The following RAB27A variants were observed in gnomAD, a reference collection of about 807,000 sequenced individuals.
RAB27A encodes the protein ras-related protein Rab-27A.
A neutral mutation model predicts 20.8 loss-of-function variants in RAB27A; 17 were observed. That is an observed-to-expected ratio of 0.82 (90% confidence interval 0.56 to 1.23). The LOEUF is 1.23. RAB27A is among the 50% of genes most tolerant of loss of function. The pLI is 0.00. For missense variants in RAB27A, 277 were observed against 266.7 expected, an observed-to-expected ratio of 1.04 and a Z score of -0.27; for synonymous variants, 85 against 92.8, an observed-to-expected ratio of 0.92 and a Z score of 0.48.
chr15:55,236,171 A>G (rs562333021), intron 2 of RAB27A, among the ~76,000 whole-genome samples: 180 of 142,722 alleles, frequency 1.3e-3, no homozygotes, highest in South Asian at 2.5e-3. Context: ...AAATAAAAAA[A>G]AAAGAAAGAA....
At chr15:55,301,575 T>G (rs1595755150) in intron 2 of RAB27A, among the ~76,000 whole-genome samples, 1 of 151,874 alleles carries the variant, frequency 6.6e-6, no homozygotes, top group South Asian at 2.1e-4. Flanking sequence ...TGGTGGTTTT[T>G]AATATATTCA....
intron 6 of RAB27A, among the ~76,000 whole-genome samples, chr15:55,217,504 A>AT (rs1176767453): frequency 1.3e-5 from 2 of 151,592 alleles, no homozygotes; most frequent in Admixed American, 6.6e-5. Context: ...TACTAAAAAA[A>AT]ATATATAAAA....
intron 2 of RAB27A, among the ~76,000 whole-genome samples, chr15:55,300,270 A>G (rs1199532611): frequency 6.6e-6 from 1 of 152,184 alleles, no homozygotes; most frequent in African/African-American, 2.4e-5. Flanking sequence ...GTGTGTATAT[A>G]TAAGTATACA....
chr15:55,306,746 T>A (rs2054998528), intron 2 of RAB27A, among the ~76,000 whole-genome samples: 1 of 152,168 alleles, frequency 6.6e-6, no homozygotes, highest in South Asian at 2.1e-4. Context: ...GGCATCAATA[T>A]GTCTGGGACG....
intron 1 of RAB27A, among the ~76,000 whole-genome samples, chr15:55,287,460 G>A (rs1898186436): frequency 1.3e-5 from 2 of 152,174 alleles, no homozygotes; most frequent in South Asian, 4.1e-4. Flanking sequence ...TAAATTTCAT[G>A]TGGAAGGCCA....
intron 1 of RAB27A, among the ~76,000 whole-genome samples, chr15:55,283,545 C>T (rs1048161744): frequency 6.6e-6 from 1 of 152,120 alleles, no homozygotes; most frequent in African/African-American, 2.4e-5. Flanking sequence ...ATGAGAAAAG[C>T]CACATTAGGT....
intron 2 of RAB27A, among the ~76,000 whole-genome samples, chr15:55,298,359 G>T (rs910638668): frequency 6.6e-6 from 1 of 152,102 alleles, no homozygotes; most frequent in East Asian, 1.9e-4. Context: ...GGGCGACCGG[G>T]GGAGACATCA....
intron 2 of RAB27A, among the ~76,000 whole-genome samples, chr15:55,248,234 C>T (rs926907299): frequency 4.6e-5 from 7 of 152,120 alleles, no homozygotes; most frequent in African/African-American, 1.2e-4. Flanking sequence ...GTCAAACATC[C>T]ACCCTACCAC....
At chr15:55,314,226 T>C (rs947680065) in intron 1 of RAB27A, 1 of 150,880 alleles carries the variant, frequency 6.6e-6, no homozygotes, top group Non-Finnish European at 1.5e-5. Context: ...GATTAAATTA[T>C]AATGAATTTA....
intron 2 of RAB27A, among the ~76,000 whole-genome samples, chr15:55,250,073 A>G (rs989537638): frequency 1.3e-5 from 2 of 151,688 alleles, no homozygotes; most frequent in African/African-American, 4.8e-5. Context: ...AGCAATTCTC[A>G]TGCCTCAGCC....
chr15:55,290,344 G>GCTTA (rs1898278103), upstream of RAB27A: 1 of 152,228 alleles, frequency 6.6e-6, no homozygotes, highest in Admixed American at 6.5e-5. Context: ...GCGGCTCCTG[G>GCTTA]CTTAGGTCGG....
At chr15:55,292,719 A>C (rs1169114568), upstream of RAB27A, among the ~76,000 whole-genome samples, 3 of 152,250 alleles carry the variant, frequency 2.0e-5, no homozygotes, top group African/African-American at 7.2e-5. Flanking sequence ...TAGCACCAAC[A>C]GAATATCCAA....
chr15:55,251,397 G>A (rs112187860), intron 2 of RAB27A, among the ~76,000 whole-genome samples: 78 of 152,284 alleles, frequency 5.1e-4, no homozygotes, highest in Middle Eastern at 3.4e-3. Context: ...CTGCCCAAAA[G>A]GCAACCAAAG....
At chr15:55,236,031 G>A (rs542346850) in intron 2 of RAB27A, among the ~76,000 whole-genome samples, 44 of 152,192 alleles carry the variant, frequency 2.9e-4, no homozygotes, top group Non-Finnish European at 4.1e-4. Context: ...GGAGGCGGGT[G>A]AGGGATAAAA....
In RAB27A at chr15:55,318,236, T is replaced by C. The variant is rs553136257; in HGVS notation, c.-234+695A>G. 3.4e-4 allele frequency among the ~76,000 whole-genome samples: 51 copies of C among 151,516 alleles called. 1 individual carries two copies. The highest frequency in any genetic ancestry group is 6.8e-3 in the Middle Eastern group (2 of 294). ...CCTCAGCCTCCCGAGAAGCTGGGAC[T>C]ACAGGCGCGTGTCACCACACCCGGC... On this transcript the variant is annotated intron_variant, in intron 1 of 5. Transcript: ENST00000563262.
intron 2 of RAB27A, among the ~76,000 whole-genome samples, chr15:55,244,063 G>C (rs1896595011): frequency 6.6e-6 from 1 of 152,208 alleles, no homozygotes; most frequent in Admixed American, 6.5e-5. Context: ...CACTTTGGGA[G>C]GCTGAGGCAG....
chr15:55,277,916 A>T (rs1210919281), intron 1 of RAB27A, among the ~76,000 whole-genome samples: 3 of 152,212 alleles, frequency 2.0e-5, no homozygotes, highest in Non-Finnish European at 4.4e-5. Context: ...AAGTTACTTC[A>T]TCTTCTTCAA....
upstream of RAB27A, among the ~76,000 whole-genome samples, chr15:55,292,492 T>C (rs2054927472): frequency 6.6e-6 from 1 of 152,084 alleles, no homozygotes; most frequent in Admixed American, 6.5e-5. Flanking sequence ...GCCATAAGGA[T>C]GGAGATGAAT....
chr15:55,218,942 A>G (rs1595681851), intron 6 of RAB27A, among the ~76,000 whole-genome samples: 2 of 152,184 alleles, frequency 1.3e-5, no homozygotes, highest in Admixed American at 6.5e-5. Flanking sequence ...GGGTTTCACC[A>G]TGTTGGCCAG....
Sources: gnomAD v4.1 joint callset for allele counts (sites outside exome capture counted in the v4.1 genomes callset) on GRCh38, gnomAD v4.1.1 for gene constraint, MANE v1.5 for transcripts, NCBI Gene and HGNC (gene_info 2026-07-23, HGNC 2026-07-21) for gene names.